TCTN2: variants seen among roughly 807,000 people sequenced by gnomAD.
The protein encoded by TCTN2 is tectonic-2.
TCTN2 carries 66 observed loss-of-function variants against 83.4 expected under a neutral mutation model. That is an observed-to-expected ratio of 0.79 (90% CI 0.65 to 0.97). The LOEUF is 0.97. Among genes scored for constraint, TCTN2 ranks in the 50% least tolerant of loss-of-function variants. The pLI, the probability that TCTN2 is intolerant of heterozygous loss-of-function variation, is 0.00. For missense variants in TCTN2, 794 were observed against 858.1 expected (o/e 0.93, Z 0.93); for synonymous variants, 301 against 326.7 (o/e 0.92, Z 0.85).
Position 123,673,760 on chromosome 12 carries a change from T to G in TCTN2, c.413T>G (p.Leu138Arg). 1 of 1,614,202 alleles carries G rather than the reference T, an allele frequency of 6.2e-7. No individual in the cohort carries two copies. Among genetic ancestry groups the G allele is most frequent in the Non-Finnish European group, 8.5e-7 (1 of 1,180,030 alleles). Residue 138 changes from leucine (L) to arginine (R), a missense_variant, in exon 4 of 18, where the codon CTC becomes CGC. Coordinates refer to ENST00000303372, the MANE Select transcript of TCTN2 (RefSeq NM_024809.5). ...AATTCATCCTGTTCAGCACATCTACTCATTCAAGTGGAAATTTATGCCAAC... is the reference window on the plus strand; with the variant it reads ...AATTCATCCTGTTCAGCACATCTACGCATTCAAGTGGAAATTTATGCCAAC... The part of the protein sequence containing the change: ...SHNSSCSAHL[L>R]IQVEIYANSS...
chr12:123,696,914 G>A (rs1164186884), intron 12 of TCTN2, 173 bp from the exon 13 acceptor site: 8 of 617,684 alleles, frequency 1.3e-5, no homozygotes, highest in Non-Finnish European at 1.7e-5. Flanking sequence ...TGAGAAGTCT[G>A]ATAAAGGCAC....
In TCTN2 at chr12:123,671,322, G is replaced by GGT. The variant is rs756307713; in HGVS notation, c.82+5_82+6dup. On this transcript the variant is annotated frameshift_variant and splice_region_variant. Coordinates refer to ENST00000303372, the MANE Select transcript of TCTN2 (RefSeq NM_024809.5). LOFTEE classifies it high-confidence loss of function. ...CCTGAGGCTTCTGTGGGGGGACCTG[G>GGT]GTGTGTACGGCGCGGCAGTGACCTC... The GGT allele has an allele frequency of 3.1e-6, 5 of 1,613,668 alleles. No homozygotes were observed. In the South Asian group the frequency reaches 5.5e-5, roughly 18 times the overall value.
chr12:123,706,744 G>A lies in TCTN2; in HGVS notation c.1788G>A (p.Trp596Ter). The A allele has an allele frequency of 6.2e-7, 1 of 1,614,122 alleles. No homozygotes were observed. Among genetic ancestry groups the A allele is most frequent in the Middle Eastern group, 1.6e-4 (1 of 6,062 alleles). The change falls in exon 16 of 18, where the codon TGG (tryptophan) becomes TGA (stop). Residue 596 changes from tryptophan (W) to a stop codon, truncating the protein, a stop_gained. Transcript: ENST00000303372. LOFTEE classifies it high-confidence loss of function. ...GVETRFSSVNWQYQCGLTCEH... is the reference protein window; with the variant it reads ...GVETRFSSVN The stretch of plus-strand genomic sequence containing the variant: ...CTCCTAGGTTCTCCTCAGTGAACTG[G>A]CAGTACCAGTGTGGGCTTACCTGTG...
chr12:123,697,276 C>T (rs1300300523), intron 13 of TCTN2, 78 bp downstream of exon 13: 1 of 1,004,210 alleles, frequency 1.0e-6, no homozygotes, highest in South Asian at 1.3e-5. Flanking sequence ...ATATCAAAGA[C>T]AGCATGAATA....
intron 4 of TCTN2, among the ~76,000 whole-genome samples, chr12:123,677,659 C>G (rs986930437): frequency 3.9e-5 from 6 of 152,154 alleles, no homozygotes; most frequent in Non-Finnish European, 8.8e-5. Context: ...AGCATTTCTC[C>G]TGAGCTGCTT....
chr12:123,692,131 G>A (rs557201956), intron 8 of TCTN2, among the ~76,000 whole-genome samples: 144 of 152,054 alleles, frequency 9.5e-4, no homozygotes, highest in Admixed American at 3.2e-3. Flanking sequence ...GGCAGATCTC[G>A]AACTCCTGAC....
chr12:123,694,321 G>A (rs1268836515), intron 9 of TCTN2, among the ~76,000 whole-genome samples: 1 of 152,216 alleles, frequency 6.6e-6, no homozygotes, highest in Non-Finnish European at 1.5e-5. Flanking sequence ...TAGAGACAGG[G>A]TTTCGCCATG....
rs1016993888 is a variant in TCTN2, at chr12:123,691,739, G to GT, written c.1034-909dup. Among the ~76,000 whole-genome samples the GT allele has an allele frequency of 1.3e-4, 20 of 148,830 alleles. 1 individual carries two copies. The highest frequency in any genetic ancestry group is 5.9e-4 in the East Asian group (3 of 5,080). On this transcript the variant is annotated intron_variant, in intron 8 of 17. Transcript: ENST00000303372. ...AAATTGTTTTTTTTTTGTTTTTTTG[G>GT]TTTTTTTTTTGAGAGGGAGTCTTGC...
rs1956253356 is a variant in TCTN2 at position 123,708,040 on chromosome 12, T to TCTTA, written c.*329_*330insTACT. On this transcript the variant is annotated 3_prime_UTR_variant, in exon 18 of 18. Coordinates refer to ENST00000303372, the MANE Select transcript of TCTN2 (RefSeq NM_024809.5). ...TTTTTTTTTTTTTTTTGAGGCGGGG[T>TCTTA]CTCTGTCACCCAGGCTGGAGTGCAG... The TCTTA allele has an allele frequency of 7.5e-6, 2 of 268,338 alleles. No homozygotes were observed. Among genetic ancestry groups the TCTTA allele is most frequent in the African/African-American group, 5.7e-5 (2 of 34,838 alleles). The allele number at this position is 268,338 out of a possible 1,614,324, so 16.6% of individuals were successfully genotyped here.
intron 15 of TCTN2, among the ~76,000 whole-genome samples, chr12:123,705,034 A>G (rs530134293): frequency 6.6e-6 from 1 of 152,242 alleles, no homozygotes; most frequent in East Asian, 1.9e-4. Context: ...TTGGCAGCAG[A>G]TAGGTTCAAA....
chr12:123,692,133 A>G (rs1956050592), intron 8 of TCTN2, among the ~76,000 whole-genome samples: 1 of 150,574 alleles, frequency 6.6e-6, no homozygotes. Flanking sequence ...CAGATCTCGA[A>G]CTCCTGACCT....
Position 123,692,652 on chromosome 12 carries a change from C to T in TCTN2, c.1034-6C>T, listed in dbSNP as rs1956057098. On this transcript the variant is annotated splice_polypyrimidine_tract_variant and splice_region_variant and intron_variant, in intron 8 of 17. Coordinates refer to ENST00000303372, the MANE Select transcript of TCTN2 (RefSeq NM_024809.5). ...CTGTGGAAGTTAATTTATGTTATCT[C>T]TTTAGGCATAGTTACACCAAAAGTG... 6.2e-7 allele frequency: 1 copy of T among 1,610,700 alleles called. No individual in the cohort carries two copies. The highest frequency in any genetic ancestry group is 8.5e-7 in the Non-Finnish European group (1 of 1,176,966).
intron 4 of TCTN2, among the ~76,000 whole-genome samples, chr12:123,675,895 G>A (rs553817127): frequency 8.5e-4 from 129 of 152,054 alleles, no homozygotes; most frequent in African/African-American, 3.0e-3. Context: ...CAAAAAAACC[G>A]TATTCAATGA....
At chr12:123,685,144 C>T (rs902231991) in intron 5 of TCTN2, among the ~76,000 whole-genome samples, 6 of 152,026 alleles carry the variant, frequency 3.9e-5, no homozygotes, top group African/African-American at 9.7e-5. Context: ...TTCCAGGCCA[C>T]GCTGTGTCCC....
chr12:123,691,427 C>A (rs566540992), intron 8 of TCTN2, among the ~76,000 whole-genome samples: 1 of 152,224 alleles, frequency 6.6e-6, no homozygotes, highest in African/African-American at 2.4e-5. Context: ...TGGCTTCTTT[C>A]ACTGAGCATG....
At chr12:123,684,684 GC>G (rs1955942117) in intron 5 of TCTN2, among the ~76,000 whole-genome samples, 1 of 151,936 alleles carries the variant, frequency 6.6e-6, no homozygotes, top group African/African-American at 2.4e-5. Context: ...ATAGGCGTGA[GC>G]CCCCACACCT....
At chr12:123,696,611 C>T in intron 12 of TCTN2, 116 bp downstream of exon 12, 3 of 901,322 alleles carry the variant, frequency 3.3e-6, no homozygotes, top group Non-Finnish European at 5.5e-6. Context: ...GTTTATTTAG[C>T]AGAGAGGTAC....
At chr12:123,699,510 AG>A (rs1956147363) in intron 13 of TCTN2, among the ~76,000 whole-genome samples, 193 bp from the exon 14 acceptor site, 1 of 152,086 alleles carries the variant, frequency 6.6e-6, no homozygotes, top group South Asian at 2.1e-4. Flanking sequence ...GTTCTCCCCC[AG>A]GTGTGTGGGT....
intron 14 of TCTN2, among the ~76,000 whole-genome samples, chr12:123,701,549 T>A (rs1255463575): frequency 2.6e-5 from 4 of 151,412 alleles, no homozygotes; most frequent in Admixed American, 6.6e-5. Flanking sequence ...GCATCCTGCC[T>A]AACACAGGTG....
Sources: gnomAD v4.1 joint callset for allele counts (sites outside exome capture counted in the v4.1 genomes callset) on GRCh38, gnomAD v4.1.1 for gene constraint, MANE v1.5 for transcripts, NCBI Gene and HGNC (gene_info 2026-07-23, HGNC 2026-07-21) for gene names.